Variants in ADD1 observed in about 807,000 individuals in gnomAD.
The protein encoded by ADD1 is adducin 1.
Under a neutral mutation model 80.5 loss-of-function variants are expected in ADD1, and 24 were observed. The ratio of observed to expected loss-of-function variants is 0.30; its 90% CI spans 0.22 to 0.42. ADD1 has a LOEUF of 0.42. ADD1 is among the 10% of genes least tolerant of loss of function. ADD1 has a pLI of 1.00. For synonymous variants in ADD1, 373 were observed against 393.8 expected (o/e 0.95, Z 0.63); for missense variants, 948 against 1,019.0 (o/e 0.93, Z 0.95).
intron 12 of ADD1, 149 bp from the exon 13 acceptor site, chr4:2,909,190 G>A: frequency 4.5e-6 from 3 of 669,876 alleles, no homozygotes. Flanking sequence ...TTCGTGTTCA[G>A]TGTCTGCACG....
At chr4:2,866,276 C>T (rs1381942678) in intron 1 of ADD1, among the ~76,000 whole-genome samples, 1 of 152,074 alleles carries the variant, frequency 6.6e-6, no homozygotes, top group African/African-American at 2.4e-5. Flanking sequence ...AAGCAATTCT[C>T]CTGCCTCAGC....
chr4:2,876,137 C>G (rs997658116), intron 2 of ADD1, 27 bp downstream of exon 2: 2 of 1,589,048 alleles, frequency 1.3e-6, no homozygotes, highest in East Asian at 4.5e-5. Flanking sequence ...TTTCTCTGAC[C>G]AGATGTCATC....
At chr4:2,925,981 A>G (rs570272347) in intron 14 of ADD1, 33 bp from the exon 15 acceptor site, 9 of 1,600,132 alleles carry the variant, frequency 5.6e-6, no homozygotes, top group Non-Finnish European at 7.7e-6. Flanking sequence ...TGGCGTCCAC[A>G]GCTCCTACCA....
intron 1 of ADD1, among the ~76,000 whole-genome samples, chr4:2,860,266 T>C (rs1728658927): frequency 1.3e-5 from 2 of 152,240 alleles, no homozygotes; most frequent in African/African-American, 2.4e-5. Context: ...ACATACTAGC[T>C]ACGTTTGCTT....
rs750544300 is a variant in ADD1, at chr4:2,904,957, G to A, written c.1355G>A (p.Arg452Gln). 1.2e-5 allele frequency: 19 copies of A among 1,614,160 alleles called. No homozygotes were observed. The highest frequency in any genetic ancestry group is 4.4e-5 in the South Asian group (4 of 91,080). The part of the protein sequence containing the change: ...REKTRWLNSG[R>Q]GDEASEEGQN... ...AAGACAAGATGGCTGAACTCTGGCCGGGGCGACGAAGCTTCCGAGGAAGGG... is the reference window on the plus strand; with the variant it reads ...AAGACAAGATGGCTGAACTCTGGCCAGGGCGACGAAGCTTCCGAGGAAGGG... The change falls in exon 10 of 16, where the codon CGG (arginine) becomes CAG (glutamine). Residue 452 changes from arginine (R) to glutamine (Q), a missense_variant. Arg to Gln is a conservative substitution (Grantham distance 43, BLOSUM62 1). Coordinates refer to ENST00000683351, the MANE Select transcript of ADD1 (RefSeq NM_001354761.2).
rs868808712 is a variant in ADD1, at chr4:2,894,607, T to G, written c.617T>G (p.Ile206Arg). The G allele has an allele frequency of 1.4e-5, 22 of 1,609,850 alleles. No homozygotes were observed. Among genetic ancestry groups the G allele is most frequent in the Non-Finnish European group, 1.8e-5 (21 of 1,178,554 alleles). The change falls in exon 6 of 16, where the codon ATA becomes AGA. Residue 206 changes from isoleucine to arginine, a missense_variant. Transcript: ENST00000683351. The part of the protein sequence containing the change: ...SLVKINLQGD[I>R]VDRGSTNLGV... Reference sequence around the variant, plus strand: ...GTTAAGATCAATCTACAAGGAGATATAGTAGATCGTGGAAGCACTAATCTG... The same window carrying G: ...GTTAAGATCAATCTACAAGGAGATAGAGTAGATCGTGGAAGCACTAATCTG...
intron 14 of ADD1, among the ~76,000 whole-genome samples, chr4:2,919,639 A>G (rs1405194766): frequency 6.6e-6 from 1 of 152,142 alleles, no homozygotes; most frequent in East Asian, 1.9e-4. Context: ...TGTTCATAGT[A>G]TTCTCTGATG....
At chr4:2,874,355 C>T (rs1350833897) in intron 1 of ADD1, among the ~76,000 whole-genome samples, 1 of 152,066 alleles carries the variant, frequency 6.6e-6, no homozygotes, top group Non-Finnish European at 1.5e-5. Context: ...GCCTATAATC[C>T]CAGCACTTTG....
At chr4:2,881,767 T>C in intron 2 of ADD1, 131 bp from the exon 3 acceptor site, 1 of 601,158 alleles carries the variant, frequency 1.7e-6, no homozygotes, top group East Asian at 3.1e-5. Flanking sequence ...AGCAGTAATG[T>C]GTGAGAATAT....
At position 2,928,337 on chromosome 4, in the gene ADD1, GGCCAGCCCCGA is replaced by G; in HGVS notation, c.2224_2234del (p.Glu742ArgfsTer7). The G allele has an allele frequency of 1.2e-6, 2 of 1,613,830 alleles. No individual in the cohort carries two copies. Among genetic ancestry groups the G allele is most frequent in the Admixed American group, 1.7e-5 (1 of 60,008 alleles). On this transcript the variant is annotated frameshift_variant, in exon 16 of 16. Coordinates refer to ENST00000683351, the MANE Select transcript of ADD1 (RefSeq NM_001354761.2). LOFTEE classifies it high-confidence loss of function. Reference sequence around the variant, plus strand: ...CAAGCCCCACTGAGGCCCCTACTGAGGCCAGCCCCGAGCCAGCCCCAGACCCAGCCCCGGTG... The same window carrying G: ...CAAGCCCCACTGAGGCCCCTACTGAGGCCAGCCCCAGACCCAGCCCCGGTG...
chr4:2,898,439 A>G lies in ADD1; in HGVS notation c.892A>G (p.Ile298Val). The G allele has an allele frequency of 6.2e-7, 1 of 1,614,220 alleles. No homozygotes were observed. Among genetic ancestry groups the G allele is most frequent in the Non-Finnish European group, 8.5e-7 (1 of 1,180,030 alleles). Reference protein sequence around the residue: ...KNLGPKSKVLILRNHGLVSVG... With the variant: ...KNLGPKSKVLVLRNHGLVSVG... ...CATTCATGCTTCCCCTCAGGTTCTTATTCTCCGGAACCATGGGCTCGTGTC... is the reference window on the plus strand; with the variant it reads ...CATTCATGCTTCCCCTCAGGTTCTTGTTCTCCGGAACCATGGGCTCGTGTC... The change falls in exon 8 of 16, where the codon ATT becomes GTT. Residue 298 changes from isoleucine (I) to valine (V), a missense_variant. Transcript: ENST00000683351.
At chr4:2,855,507 A>G (rs940125684) in intron 1 of ADD1, among the ~76,000 whole-genome samples, 1 of 151,470 alleles carries the variant, frequency 6.6e-6, no homozygotes, top group Non-Finnish European at 1.5e-5. Context: ...TTTGCTATGC[A>G]TATTTAACGA....
At chr4:2,885,832 G>A (rs186784941) in intron 4 of ADD1, among the ~76,000 whole-genome samples, 195 of 151,940 alleles carry the variant, frequency 1.3e-3, no homozygotes, top group Middle Eastern at 3.4e-3. Context: ...GGATGGTCTC[G>A]ATCTCCTGAC....
chr4:2,872,687 G>T (rs1202738512), intron 1 of ADD1, among the ~76,000 whole-genome samples: 1 of 152,168 alleles, frequency 6.6e-6, no homozygotes, highest in Non-Finnish European at 1.5e-5. Context: ...CTCCTGAGTA[G>T]CTGAGACTAC....
chr4:2,845,153 A>G (rs1009151741), intron 1 of ADD1, among the ~76,000 whole-genome samples: 2 of 152,060 alleles, frequency 1.3e-5, no homozygotes, highest in Non-Finnish European at 1.5e-5. Flanking sequence ...AGTCACTGCA[A>G]TCTCCGCCTC....
At chr4:2,905,131 ATAGT>A (rs749029153) in intron 10 of ADD1, 23 bp downstream of exon 10, 3 of 1,609,690 alleles carry the variant, frequency 1.9e-6, no homozygotes, top group Admixed American at 1.7e-5. Flanking sequence ...CTTACTGTTC[ATAGT>A]TAGATGACGT....
intron 4 of ADD1, among the ~76,000 whole-genome samples, chr4:2,885,053 T>G (rs916252779): frequency 1.3e-5 from 2 of 152,204 alleles, no homozygotes; most frequent in Non-Finnish European, 2.9e-5. Context: ...TTTTTCAACA[T>G]TATTAGGATC....
chr4:2,908,602 C>T lies in ADD1; in HGVS notation c.1696C>T (p.Gln566Ter). The change falls in exon 12 of 16, where the codon CAG becomes TAG. Residue 566 changes from glutamine (Q) to a stop codon, truncating the protein, a stop_gained and splice_region_variant. Transcript: ENST00000683351. LOFTEE classifies it high-confidence loss of function. ...CGVVMDRSLV[Q>*]DAPLSDCTET... is the part of the protein sequence containing the mutation. ...TGTAGTGATGGACAGGAGCCTCGTC[C>T]AGGTGAGAGCCCAGAGTGTCTCTGA... 6.2e-7 allele frequency: 1 copy of T among 1,613,870 alleles called. No homozygotes were observed. The highest frequency in any genetic ancestry group is 1.1e-5 in the South Asian group (1 of 91,082).
chr4:2,860,278 A>G (rs1560149366), intron 1 of ADD1, among the ~76,000 whole-genome samples: 1 of 152,170 alleles, frequency 6.6e-6, no homozygotes, highest in Admixed American at 6.6e-5. Flanking sequence ...CGTTTGCTTT[A>G]TCAACTTTGG....
Sources: gnomAD v4.1 joint callset for allele counts (sites outside exome capture counted in the v4.1 genomes callset) on GRCh38, gnomAD v4.1.1 for gene constraint, MANE v1.5 for transcripts, NCBI Gene and HGNC (gene_info 2026-07-23, HGNC 2026-07-21) for gene names.